SP1: variants seen among roughly 807,000 people sequenced by gnomAD.
The protein encoded by SP1 is Sp1 transcription factor.
Under a neutral mutation model 66.3 loss-of-function variants are expected in SP1, and 6 were observed. That is an observed-to-expected ratio of 0.09 (90% CI 0.05 to 0.18). The LOEUF is 0.18. Among genes scored for constraint, SP1 ranks in the 10% least tolerant of loss-of-function variants. The probability of loss-of-function intolerance (pLI) is 1.00; values close to 1 mark genes in which losing one functional copy is unlikely to be tolerated. For synonymous variants in SP1, 417 were observed against 360.8 expected, an observed-to-expected ratio of 1.16 and a Z score of -1.77; for missense variants, 848 against 964.5, an observed-to-expected ratio of 0.88 and a Z score of 1.60.
intron 1 of SP1, 91 bp downstream of exon 1, chr12:53,380,389 G>GGGCGGGCGGGAGGCGGCGGC: frequency 8.4e-7 from 1 of 1,184,914 alleles, no homozygotes; most frequent in Middle Eastern, 2.2e-4. Context: ...CGTGAAGCGG[G>GGGCGGGCGGGAGGCGGCGGC]GGCGGGCGGG....
At chr12:53,395,420 G>T (rs1052539575) in intron 3 of SP1, among the ~76,000 whole-genome samples, 1 of 152,096 alleles carries the variant, frequency 6.6e-6, no homozygotes, top group African/African-American at 2.4e-5. Context: ...CACATTTTAA[G>T]GCTTCTTATT....
intron 3 of SP1, among the ~76,000 whole-genome samples, chr12:53,402,368 CAT>C (rs1938625124): frequency 1.3e-5 from 2 of 151,984 alleles, no homozygotes; most frequent in Non-Finnish European, 2.9e-5. Context: ...GGACTACAGG[CAT>C]GCGCCACCAT....
At chr12:53,380,746 C>T (rs1292969081) in intron 1 of SP1, 1 of 680,428 alleles carries the variant, frequency 1.5e-6, no homozygotes, top group South Asian at 6.6e-5. Context: ...TCCCCCCCGC[C>T]CCCCACCGTC....
chr12:53,406,707 C>G lies in SP1; in HGVS notation c.1798C>G (p.Arg600Gly). 1 of 1,614,030 alleles carries G rather than the reference C, an allele frequency of 6.2e-7. No individual in the cohort carries two copies. The highest frequency in any genetic ancestry group is 8.5e-7 in the Non-Finnish European group (1 of 1,180,008). The part of the protein sequence containing the change: ...DAQPQAGRRT[R>G]REACTCPYCK... ...CCAACCCCAAGCCGGTCGGAGGACC[C>G]GGCGGGAAGCATGCACCTGCCCCTA... is the stretch of plus-strand genomic sequence containing the variant. Residue 600 changes from arginine to glycine, a missense_variant, in exon 4 of 6, where the codon CGG becomes GGG. Arg to Gly is a moderately radical substitution (Grantham distance 125). Transcript: ENST00000327443.
rs775735390 is a variant in SP1 at position 53,411,535 on chromosome 12, T to G, written c.*295T>G. The G allele has an allele frequency of 3.6e-4, 97 of 266,034 alleles. No individual in the cohort carries two copies. The highest frequency in any genetic ancestry group is 5.4e-4 in the Non-Finnish European group (76 of 141,264). 16.5% of individuals were successfully genotyped at this position (266,034 alleles called of 1,614,324 possible). ...ACTTCTTACCCCAGCCTACCCTTCC[T>G]GCATTTCTCTTCTCAGCTCTTCCAT... On this transcript the variant is annotated 3_prime_UTR_variant, in exon 6 of 6. Coordinates refer to ENST00000327443, the MANE Select transcript of SP1 (RefSeq NM_138473.3).
At chr12:53,390,974 CT>C (rs920037807) in intron 3 of SP1, among the ~76,000 whole-genome samples, 11 of 151,832 alleles carry the variant, frequency 7.2e-5, no homozygotes, top group Non-Finnish European at 1.5e-5. Flanking sequence ...TCATGACTTG[CT>C]TTTTTTTACC....
chr12:53,410,677 T>G (rs1592574611), intron 5 of SP1, among the ~76,000 whole-genome samples: 1 of 151,950 alleles, frequency 6.6e-6, no homozygotes, highest in African/African-American at 2.4e-5. Flanking sequence ...GGCTAATTTT[T>G]TGTATTTTTA....
At chr12:53,405,754 C>T (rs1263820455) in intron 3 of SP1, among the ~76,000 whole-genome samples, 1 of 151,942 alleles carries the variant, frequency 6.6e-6, no homozygotes, top group Admixed American at 6.6e-5. Context: ...GTCTGTTTTC[C>T]TGTACCCTTA....
At chr12:53,407,131 AT>A (rs903878267) in intron 4 of SP1, among the ~76,000 whole-genome samples, 19 of 141,194 alleles carry the variant, frequency 1.3e-4, no homozygotes, top group Non-Finnish European at 1.7e-4. Flanking sequence ...GCAAAGGTTA[AT>A]TTTTTTTTTT....
In SP1 at chr12:53,412,251, A is replaced by G. The variant is rs1938906389; in HGVS notation, c.*1011A>G. On this transcript the variant is annotated 3_prime_UTR_variant, in exon 6 of 6. Transcript: ENST00000327443. Reference sequence around the variant, plus strand: ...TACAAGAGTCCCTTTGAAGATAATAATCTTGGCTCAGTTTGTATAAACTGT... The same window carrying G: ...TACAAGAGTCCCTTTGAAGATAATAGTCTTGGCTCAGTTTGTATAAACTGT... 1 of 152,610 alleles carries G rather than the reference A, an allele frequency of 6.6e-6. No individual in the cohort carries two copies. Among genetic ancestry groups the G allele is most frequent in the African/African-American group, 2.4e-5 (1 of 41,452 alleles). The allele number at this position is 152,610 out of a possible 1,614,324, so 9.5% of individuals were successfully genotyped here. A position where few individuals can be genotyped will look rare whatever the true frequency, so the allele number is the denominator to read the frequency against.
At chr12:53,390,135 T>TA (rs2136897977) in intron 3 of SP1, among the ~76,000 whole-genome samples, 1 of 152,336 alleles carries the variant, frequency 6.6e-6, no homozygotes, top group Admixed American at 6.5e-5. Context: ...TTAAATGTCT[T>TA]ACCAGTTATC....
Position 53,414,859 on chromosome 12 carries a change from C to T in SP1, c.*3619C>T, listed in dbSNP as rs554817604. ...TGCTTGAAGTTTTCAGTGTAAGTAC[C>T]CTGATGCCTTTTGGACCTTGGGATC... On this transcript the variant is annotated 3_prime_UTR_variant, in exon 6 of 6. Coordinates refer to ENST00000327443, the MANE Select transcript of SP1 (RefSeq NM_138473.3). 2.0e-5 allele frequency: 3 copies of T among 152,512 alleles called. No homozygotes were observed. The highest frequency in any genetic ancestry group is 2.1e-4 in the South Asian group (1 of 4,808). The allele number at this position is 152,512 out of a possible 1,614,324, so 9.4% of individuals were successfully genotyped here.
chr12:53,383,768 T>C (rs1384870199), intron 3 of SP1, 146 bp downstream of exon 3: 1 of 703,474 alleles, frequency 1.4e-6, no homozygotes, highest in East Asian at 2.7e-5. Flanking sequence ...GAAATAGAGA[T>C]TCTGTTTAAG....
intron 3 of SP1, among the ~76,000 whole-genome samples, chr12:53,385,731 G>C (rs964155086): frequency 6.6e-6 from 1 of 152,018 alleles, no homozygotes; most frequent in Non-Finnish European, 1.5e-5. Context: ...TGACCAATAT[G>C]GTGAAACCCC....
intron 3 of SP1, among the ~76,000 whole-genome samples, chr12:53,400,296 A>C (rs1012470994): frequency 1.3e-5 from 2 of 152,178 alleles, no homozygotes; most frequent in Non-Finnish European, 2.9e-5. Context: ...GCTTCTTTCA[A>C]TTAGCATAAT....
intron 3 of SP1, among the ~76,000 whole-genome samples, chr12:53,393,544 A>G (rs1938404010): frequency 1.3e-5 from 2 of 150,030 alleles, no homozygotes; most frequent in African/African-American, 4.9e-5. Flanking sequence ...CAGCCTCCCA[A>G]AGTGTTGGGA....
At chr12:53,399,107 G>A (rs1249563336) in intron 3 of SP1, among the ~76,000 whole-genome samples, 1 of 152,006 alleles carries the variant, frequency 6.6e-6, no homozygotes, top group Non-Finnish European at 1.5e-5. Context: ...ATGATTTTAT[G>A]GTAATTCCAT....
At chr12:53,400,322 C>G (rs1938583250) in intron 3 of SP1, among the ~76,000 whole-genome samples, 1 of 151,192 alleles carries the variant, frequency 6.6e-6, no homozygotes, top group South Asian at 2.1e-4. Context: ...CAAGGTTCAT[C>G]CATGTTGTAG....
intron 1 of SP1, 48 bp downstream of exon 1, chr12:53,380,346 G>A: frequency 6.8e-7 from 1 of 1,470,980 alleles, no homozygotes; most frequent in Non-Finnish European, 9.1e-7. Flanking sequence ...CGAGTGAGGG[G>A]GCGCGCGCGA....
Sources: gnomAD v4.1 joint callset for allele counts (sites outside exome capture counted in the v4.1 genomes callset) on GRCh38, gnomAD v4.1.1 for gene constraint, MANE v1.5 for transcripts, NCBI Gene and HGNC (gene_info 2026-07-23, HGNC 2026-07-21) for gene names.